The following STK39 variants were observed in gnomAD, a reference collection of about 807,000 sequenced individuals.
STK39 encodes the protein serine/threonine kinase 39.
Under a neutral mutation model 77.8 loss-of-function variants are expected in STK39, and 20 were observed. The ratio of observed to expected loss-of-function variants is 0.26; its 90% CI spans 0.18 to 0.37. The LOEUF (loss-of-function observed/expected upper bound fraction) is 0.37. STK39 is among the 10% of genes least tolerant of loss of function. STK39 has a pLI of 1.00. For missense variants in STK39, 479 were observed against 656.5 expected (o/e 0.73, Z 2.95); for synonymous variants, 246 against 234.1 (o/e 1.05, Z -0.47).
At chr2:168,036,925 C>T (rs946972352) in intron 14 of STK39, among the ~76,000 whole-genome samples, 7 of 152,330 alleles carry the variant, frequency 4.6e-5, no homozygotes, top group Non-Finnish European at 8.8e-5. Flanking sequence ...CACCACTGGA[C>T]TTCAGCAGGT....
intron 5 of STK39, among the ~76,000 whole-genome samples, chr2:168,156,677 C>T (rs770344118): frequency 2.6e-5 from 4 of 152,218 alleles, no homozygotes; most frequent in South Asian, 4.1e-4. Context: ...ATTACACAAA[C>T]GTGCAAAATG....
At chr2:168,240,826 G>C (rs899833945) in intron 1 of STK39, among the ~76,000 whole-genome samples, 2 of 152,254 alleles carry the variant, frequency 1.3e-5, no homozygotes, top group African/African-American at 4.8e-5. Flanking sequence ...GGGCAGGCAA[G>C]GGAGTACAGG....
intron 12 of STK39, among the ~76,000 whole-genome samples, chr2:168,071,039 A>T (rs1257135215): frequency 6.6e-6 from 1 of 152,102 alleles, no homozygotes; most frequent in Admixed American, 6.6e-5. Flanking sequence ...TTAATACTGT[A>T]ATACTTGGTC....
chr2:168,221,326 TTA>T (rs1303151526), intron 1 of STK39, among the ~76,000 whole-genome samples: 1 of 152,190 alleles, frequency 6.6e-6, no homozygotes, highest in Non-Finnish European at 1.5e-5. Flanking sequence ...AGCTAGAACA[TTA>T]TGTTAATACA....
intron 1 of STK39, among the ~76,000 whole-genome samples, chr2:168,203,001 G>C (rs6728947): frequency 0.32 from 49,342 of 152,046 alleles, 8,564 homozygotes; most frequent in Non-Finnish European, 0.39. Flanking sequence ...TCTATCAGTA[G>C]AACAGCGTTT....
At chr2:168,047,154 T>TA (rs1009925013) in intron 14 of STK39, among the ~76,000 whole-genome samples, 19 of 151,982 alleles carry the variant, frequency 1.3e-4, no homozygotes, top group Middle Eastern at 3.4e-3. Flanking sequence ...TTTTAAGAAA[T>TA]AAAAAAAAGA....
chr2:168,150,342 C>T (rs191620556), intron 5 of STK39, among the ~76,000 whole-genome samples: 1 of 152,286 alleles, frequency 6.6e-6, no homozygotes, highest in East Asian at 1.9e-4. Flanking sequence ...TAAATCATAT[C>T]CCACACAGAA....
intron 16 of STK39, among the ~76,000 whole-genome samples, chr2:167,983,287 T>C (rs147198110): frequency 3.5e-3 from 525 of 151,880 alleles, no homozygotes; most frequent in South Asian, 6.5e-3. Context: ...CGAGACCAGC[T>C]TGACCAAGAT....
chr2:168,085,030 T>A (rs1201967838), intron 10 of STK39, among the ~76,000 whole-genome samples: 4 of 152,228 alleles, frequency 2.6e-5, no homozygotes, highest in African/African-American at 4.8e-5. Flanking sequence ...AAGCATCTTG[T>A]GGTCATGGAT....
chr2:168,132,548 A>G (rs1022078169), intron 8 of STK39, among the ~76,000 whole-genome samples: 2 of 152,146 alleles, frequency 1.3e-5, no homozygotes, highest in Non-Finnish European at 2.9e-5. Context: ...GTTCTCACTC[A>G]TCTCTTGATC....
In STK39 at chr2:168,039,136, A is replaced by T. The variant is rs559681974; in HGVS notation, c.1377-22041T>A. On this transcript the variant is annotated intron_variant, in intron 14 of 17. Transcript: ENST00000355999. ...AGTAAAAACTGAAAAAAAATCCCCA[A>T]ATGTCCATCATCAGGTAAGTAAACA... 4.7e-4 allele frequency among the ~76,000 whole-genome samples: 71 copies of T among 152,328 alleles called. No homozygotes were observed. In the East Asian group the frequency reaches 8.1e-3, roughly 17 times the overall value.
chr2:168,002,259 T>G (rs1684020661), intron 16 of STK39, among the ~76,000 whole-genome samples: 1 of 152,204 alleles, frequency 6.6e-6, no homozygotes, highest in South Asian at 2.1e-4. Flanking sequence ...TACAGTGTGG[T>G]TTACTGCTGC....
At chr2:168,229,466 C>T (rs2105257310) in intron 1 of STK39, among the ~76,000 whole-genome samples, 1 of 151,224 alleles carries the variant, frequency 6.6e-6, no homozygotes, top group South Asian at 2.1e-4. Context: ...AAAACTAAAA[C>T]AAGAACTAAA....
chr2:168,247,376 C>A lies in STK39; in HGVS notation c.60G>T (p.Val20=). ...HVQLPQQAAP[V]TAAAAAAPAA... Reference sequence around the variant, plus strand: ...CCGGGGCCGCCGCCGCCGCCGCTGTCACCGGGGCCGCCTGCTGGGGAAGCT... The same window carrying A: ...CCGGGGCCGCCGCCGCCGCCGCTGTAACCGGGGCCGCCTGCTGGGGAAGCT... The change falls in exon 1 of 18, where the codon GTG becomes GTT. Residue 20 remains valine (V), a synonymous_variant. Transcript: ENST00000355999. 9.8e-7 allele frequency: 1 copy of A among 1,025,310 alleles called. No homozygotes were observed. Among genetic ancestry groups the A allele is most frequent in the Non-Finnish European group, 1.2e-6 (1 of 825,738 alleles). 63.5% of individuals were successfully genotyped at this position (1,025,310 alleles called of 1,614,324 possible).
intron 5 of STK39, among the ~76,000 whole-genome samples, chr2:168,144,653 A>G (rs1688085653): frequency 6.7e-6 from 1 of 149,458 alleles, no homozygotes; most frequent in Non-Finnish European, 1.5e-5. Flanking sequence ...TTTTTTTTTT[A>G]CCATGTATGA....
intron 2 of STK39, among the ~76,000 whole-genome samples, chr2:168,174,799 G>A (rs972783359): frequency 1.3e-5 from 2 of 148,400 alleles, no homozygotes; most frequent in Non-Finnish European, 3.0e-5. Flanking sequence ...GAGTTCGAGG[G>A]CAGCCTGGGC....
rs749487675 is a variant in STK39 at position 168,161,836 on chromosome 2, C to T, written c.579G>A (p.Leu193=). 1.2e-6 allele frequency: 2 copies of T among 1,609,392 alleles called. No individual in the cohort carries two copies. The highest frequency in any genetic ancestry group is 1.7e-6 in the Non-Finnish European group (2 of 1,177,482). The part of the protein sequence containing the change: ...LHRNGQIHRD[L]KAGNILLGED... ...CACCCAGAAGAATATTACCAGCTTT[C>T]AAATCCCTATTAGAAAAAAAAATAG... The change falls in exon 5 of 18, where the codon TTG becomes TTA. Residue 193 remains leucine, a synonymous_variant. Transcript: ENST00000355999.
chr2:168,142,500 C>T (rs1428589282), intron 5 of STK39, among the ~76,000 whole-genome samples: 2 of 152,106 alleles, frequency 1.3e-5, no homozygotes, highest in Non-Finnish European at 1.5e-5. Flanking sequence ...CAACTCTGCA[C>T]CCTAAAGTCT....
intron 8 of STK39, among the ~76,000 whole-genome samples, chr2:168,136,612 A>G (rs7600857): frequency 0.42 from 64,473 of 152,008 alleles, 14,937 homozygotes; most frequent in East Asian, 0.71. Flanking sequence ...AAGACCATCT[A>G]TAATAACCTA....
Sources: allele counts gnomAD v4.1 joint callset (sites outside exome capture counted in the v4.1 genomes callset), GRCh38; gene constraint gnomAD v4.1.1; transcripts MANE v1.5; gene names NCBI Gene and HGNC (gene_info 2026-07-23, HGNC 2026-07-21).